The following SLC4A4 variants were observed in gnomAD, a reference collection of about 807,000 sequenced individuals.
SLC4A4 encodes the protein solute carrier family 4 member 4, also known as electrogenic sodium bicarbonate cotransporter 1.
A neutral mutation model predicts 111.5 loss-of-function variants in SLC4A4; 27 were observed. That is an observed-to-expected ratio of 0.24 (90% CI 0.18 to 0.33). The LOEUF (loss-of-function observed/expected upper bound fraction) is 0.33. SLC4A4 is among the 10% of genes least tolerant of loss of function. The probability of loss-of-function intolerance (pLI) is 1.00; values close to 1 mark genes in which losing one functional copy is unlikely to be tolerated. For synonymous variants in SLC4A4, 443 were observed against 463.4 expected (o/e 0.96, Z 0.57); for missense variants, 909 against 1,315.5 (o/e 0.69, Z 4.78).
At chr4:71,176,429 G>GA (rs1200923275) in intron 2 of SLC4A4, among the ~76,000 whole-genome samples, 1 of 151,854 alleles carries the variant, frequency 6.6e-6, no homozygotes, top group Non-Finnish European at 1.5e-5. Flanking sequence ...TAAAAACCTT[G>GA]AAAAAAAATT....
chr4:71,370,963 G>A (rs186141734), intron 6 of SLC4A4, among the ~76,000 whole-genome samples: 15 of 152,234 alleles, frequency 9.9e-5, no homozygotes, highest in Non-Finnish European at 1.8e-4. Flanking sequence ...GTCTCTTTAT[G>A]TGATGTAATC....
intron 1 of SLC4A4, among the ~76,000 whole-genome samples, chr4:71,084,974 C>A (rs181221585): frequency 1.3e-5 from 2 of 152,080 alleles, no homozygotes; most frequent in African/African-American, 2.4e-5. Flanking sequence ...CCTGAGGAAT[C>A]GCCACACTAA....
chr4:71,107,063 A>T (rs570859572), intron 2 of SLC4A4, among the ~76,000 whole-genome samples: 1 of 151,990 alleles, frequency 6.6e-6, no homozygotes, highest in East Asian at 1.9e-4. Flanking sequence ...CTTGCATGGA[A>T]TATTTTTTTT....
intron 1 of SLC4A4, among the ~76,000 whole-genome samples, chr4:71,217,944 G>A (rs1051099315): frequency 5.3e-5 from 8 of 152,208 alleles, no homozygotes; most frequent in Non-Finnish European, 8.8e-5. Flanking sequence ...GAGCTGGGGG[G>A]ACTGTGAAAG....
At chr4:71,450,918 A>G (rs1465212543) in intron 10 of SLC4A4, among the ~76,000 whole-genome samples, 1 of 152,204 alleles carries the variant, frequency 6.6e-6, no homozygotes, top group Non-Finnish European at 1.5e-5. Context: ...GTTGAAGAGA[A>G]ACAATTTTCT....
At chr4:71,259,756 G>GTT (rs1721712748) in intron 3 of SLC4A4, among the ~76,000 whole-genome samples, 1 of 152,212 alleles carries the variant, frequency 6.6e-6, no homozygotes, top group East Asian at 1.9e-4. Flanking sequence ...AGCCTACATG[G>GTT]TTTTGGCCTC....
intron 1 of SLC4A4, among the ~76,000 whole-genome samples, chr4:71,083,923 C>T (rs139146848): frequency 9.9e-5 from 15 of 151,662 alleles, no homozygotes; most frequent in Admixed American, 3.3e-4. Flanking sequence ...TATGGTTATT[C>T]GCTTAGCTGA....
intron 13 of SLC4A4, among the ~76,000 whole-genome samples, chr4:71,467,085 C>G (rs1025240591): frequency 6.6e-6 from 1 of 152,026 alleles, no homozygotes; most frequent in Non-Finnish European, 1.5e-5. Flanking sequence ...GGCTCATCCA[C>G]CTTGACTCTA....
At chr4:71,236,764 T>C in intron 2 of SLC4A4, 115 bp downstream of exon 2, 2 of 871,378 alleles carry the variant, frequency 2.3e-6, no homozygotes, top group East Asian at 5.6e-5. Flanking sequence ...AAACCTTTTC[T>C]ATAGAGTTTC....
At chr4:71,530,049 T>G (rs1304279440) in intron 16 of SLC4A4, among the ~76,000 whole-genome samples, 1 of 152,148 alleles carries the variant, frequency 6.6e-6, no homozygotes, top group Non-Finnish European at 1.5e-5. Context: ...TCTCCAGTAT[T>G]GAGCCCCTAA....
At chr4:71,124,000 C>T (rs1743498670) in intron 2 of SLC4A4, among the ~76,000 whole-genome samples, 1 of 152,138 alleles carries the variant, frequency 6.6e-6, no homozygotes, top group African/African-American at 2.4e-5. Context: ...TTTAATTAGG[C>T]AGCTGAATCC....
chr4:71,221,460 C>T (rs535458860), intron 1 of SLC4A4, among the ~76,000 whole-genome samples: 28 of 152,272 alleles, frequency 1.8e-4, no homozygotes, highest in African/African-American at 6.7e-4. Flanking sequence ...AAAGTGCAGT[C>T]AGTGTAACCA....
At chr4:71,084,234 A>T (rs1742081276) in intron 1 of SLC4A4, among the ~76,000 whole-genome samples, 1 of 151,974 alleles carries the variant, frequency 6.6e-6, no homozygotes, top group Admixed American at 6.6e-5. Flanking sequence ...ATCGGATGTA[A>T]AGATCGCCTT....
chr4:71,283,397 T>A (rs1478024609), intron 3 of SLC4A4, among the ~76,000 whole-genome samples: 2 of 152,170 alleles, frequency 1.3e-5, no homozygotes, highest in Non-Finnish European at 2.9e-5. Context: ...AGCTTCTCTT[T>A]CTTGTTGTCA....
chr4:71,344,336 C>A (rs1039144348), intron 4 of SLC4A4, among the ~76,000 whole-genome samples: 1 of 152,110 alleles, frequency 6.6e-6, no homozygotes, highest in Non-Finnish European at 1.5e-5. Flanking sequence ...TTTCAGTAAC[C>A]TTTACTATCT....
intron 2 of SLC4A4, among the ~76,000 whole-genome samples, chr4:71,093,078 G>C (rs1278833765): frequency 6.6e-6 from 1 of 151,836 alleles, no homozygotes; most frequent in African/African-American, 2.4e-5. Context: ...CTGGGTAACA[G>C]AGTGAGACTT....
chr4:71,075,857 G>T (rs563771887), intron 1 of SLC4A4, among the ~76,000 whole-genome samples: 1 of 151,740 alleles, frequency 6.6e-6, no homozygotes, highest in African/African-American at 2.4e-5. Flanking sequence ...CCAGCTACTC[G>T]GGAGGCTGAG....
intron 7 of SLC4A4, among the ~76,000 whole-genome samples, chr4:71,431,199 A>G (rs1011954758): frequency 6.2e-5 from 7 of 113,354 alleles, no homozygotes; most frequent in African/African-American, 1.9e-4. Context: ...ATAAAAATGA[A>G]TAAAAATGAT....
At chr4:71,482,403 C>T (rs1391559370) in intron 14 of SLC4A4, among the ~76,000 whole-genome samples, 1 of 151,464 alleles carries the variant, frequency 6.6e-6, no homozygotes, top group Non-Finnish European at 1.5e-5. Context: ...AATTGAAATT[C>T]TAAAAGGAAT....
Sources: allele counts gnomAD v4.1 joint callset (sites outside exome capture counted in the v4.1 genomes callset), GRCh38; gene constraint gnomAD v4.1.1; transcripts MANE v1.5; gene names NCBI Gene and HGNC (gene_info 2026-07-23, HGNC 2026-07-21).